RSRP1: variants seen among roughly 807,000 people sequenced by gnomAD.
The protein encoded by RSRP1 is arginine/serine-rich protein 1.
A neutral mutation model predicts 33.0 loss-of-function variants in RSRP1; 37 were observed. The observed-to-expected ratio is 1.12, with a 90% CI of 0.86 to 1.48. The LOEUF is 1.48. Ranked by LOEUF, RSRP1 falls within the 40% of genes most tolerant of loss-of-function variation. RSRP1 has a pLI of 0.00. For missense variants in RSRP1, 402 were observed against 385.3 expected (o/e 1.04, Z -0.36); for synonymous variants, 167 against 158.7 (o/e 1.05, Z -0.40).
intron 1 of RSRP1, among the ~76,000 whole-genome samples, chr1:25,315,641 C>T (rs113415136): frequency 0.023 from 2,942 of 126,320 alleles, 473 homozygotes; most frequent in African/African-American, 0.074. Context: ...GGACTACAGG[C>T]GCCTGCCACC....
rs527237138 is a variant in RSRP1, at chr1:25,315,308, T to C, written c.-67+22670A>G. On this transcript the variant is annotated intron_variant, in intron 1 of 1. Transcript: ENST00000561867. ...AGGTTTTGATAACCTGAACTGTGTT[T>C]GGAGCTGGGGAGGAAGCAAACTATT... Among the ~76,000 whole-genome samples, 12 of 129,150 alleles carry C rather than the reference T, an allele frequency of 9.3e-5. 1 individual carries two copies. In the East Asian group the frequency reaches 2.4e-3, roughly 25 times the overall value. The allele number at this position is 129,150 out of a possible 152,430, so 84.7% of individuals were successfully genotyped here. A position where few individuals can be genotyped will look rare whatever the true frequency, so the allele number is the denominator to read the frequency against.
At chr1:25,290,412 C>T (rs1181420044) in intron 1 of RSRP1, among the ~76,000 whole-genome samples, 2 of 126,224 alleles carry the variant, frequency 1.6e-5, no homozygotes, top group African/African-American at 5.4e-5. Context: ...AAGTCATCTG[C>T]CAGACCACAT....
intron 1 of RSRP1, among the ~76,000 whole-genome samples, chr1:25,296,109 C>T (rs543360702): frequency 8.7e-6 from 1 of 114,840 alleles, no homozygotes; most frequent in Non-Finnish European, 2.1e-5. Flanking sequence ...GTGATCCACC[C>T]GCCTTGGCCT....
chr1:25,250,749 G>A (rs534912603), upstream of RSRP1, among the ~76,000 whole-genome samples: 1 of 152,170 alleles, frequency 6.6e-6, no homozygotes, highest in African/African-American at 2.4e-5. Context: ...GGTGGCTCAC[G>A]CCTGTAATCC....
At chr1:25,317,894 A>G (rs542410341) in intron 1 of RSRP1, among the ~76,000 whole-genome samples, 9 of 116,292 alleles carry the variant, frequency 7.7e-5, no homozygotes, top group Admixed American at 5.1e-4. Context: ...AGTGAGGAGC[A>G]GGCCCTTATA....
At chr1:25,242,948 G>A (rs936904080) in intron 4 of RSRP1, among the ~76,000 whole-genome samples, 3 of 152,088 alleles carry the variant, frequency 2.0e-5, no homozygotes, top group Non-Finnish European at 2.9e-5. Context: ...AAATTAGCCG[G>A]GCGTGGTGGC....
Position 25,245,312 on chromosome 1 carries a change from AAG to A in RSRP1, c.521-13_521-12del, listed in dbSNP as rs565029376. The A allele has an allele frequency of 2.6e-4, 414 of 1,603,138 alleles. No individual in the cohort carries two copies. The highest frequency in any genetic ancestry group is 2.5e-3 in the South Asian group (219 of 89,186). ...ACAGCTCCATTCGATCTAAAAAAAA[AAG>A]AGAGAGATTTTAAAATACTCATTAA... is the stretch of plus-strand genomic sequence containing the variant. On this transcript the variant is annotated splice_polypyrimidine_tract_variant and intron_variant, in intron 2 of 4. Coordinates refer to ENST00000243189, the MANE Select transcript of RSRP1 (RefSeq NM_020317.5).
At chr1:25,248,727 G>T (rs1639667888), upstream of RSRP1, among the ~76,000 whole-genome samples, 1 of 152,162 alleles carries the variant, frequency 6.6e-6, no homozygotes, top group Admixed American at 6.5e-5. Flanking sequence ...CACATCTCCT[G>T]AGGATGCATC....
rs762550572 is a variant in RSRP1, at chr1:25,245,303, T to G, written c.521-2A>C. On this transcript the variant is annotated splice_acceptor_variant, in intron 2 of 4. Coordinates refer to ENST00000243189, the MANE Select transcript of RSRP1 (RefSeq NM_020317.5). LOFTEE classifies it high-confidence loss of function. ...CTATTTCTAACAGCTCCATTCGATC[T>G]AAAAAAAAAAGAGAGAGATTTTAAA... 26 of 1,394,628 alleles carry G rather than the reference T, an allele frequency of 1.9e-5. No individual in the cohort carries two copies. Among genetic ancestry groups the G allele is most frequent in the Non-Finnish European group, 2.2e-5 (23 of 1,028,466 alleles). 86.4% of individuals were successfully genotyped at this position (1,394,628 alleles called of 1,614,324 possible). A position where few individuals can be genotyped will look rare whatever the true frequency, so the allele number is the denominator to read the frequency against.
Position 25,299,360 on chromosome 1 carries a change from G to A in RSRP1, c.-67+38618C>T, listed in dbSNP as rs1291203449. On this transcript the variant is annotated intron_variant, in intron 1 of 1. Transcript: ENST00000561867. ...TGGCACCAGTGCACTCTAGCCTGGCGACAGAGTGAGACTCCGTCTCAAAAA... is the reference window on the plus strand; with the variant it reads ...TGGCACCAGTGCACTCTAGCCTGGCAACAGAGTGAGACTCCGTCTCAAAAA... Among the ~76,000 whole-genome samples, 8 of 130,802 alleles carry A rather than the reference G, an allele frequency of 6.1e-5. 1 individual carries two copies. Among genetic ancestry groups the A allele is most frequent in the Admixed American group, 2.2e-4 (3 of 13,444 alleles). 85.8% of individuals were successfully genotyped at this position (130,802 alleles called of 152,430 possible).
At chr1:25,296,206 A>G (rs1180944321) in intron 1 of RSRP1, among the ~76,000 whole-genome samples, 2 of 120,434 alleles carry the variant, frequency 1.7e-5, no homozygotes, top group Admixed American at 1.6e-4. Flanking sequence ...TCATCTGTGT[A>G]TGTGACTTTA....
chr1:25,243,415 A>G, intron 4 of RSRP1, 135 bp downstream of exon 4: 1 of 1,179,354 alleles, frequency 8.5e-7, no homozygotes. Flanking sequence ...AAGTGGCTCA[A>G]AAACAAATGA....
At chr1:25,302,601 G>A (rs150305875) in intron 1 of RSRP1, among the ~76,000 whole-genome samples, 5 of 129,820 alleles carry the variant, frequency 3.9e-5, no homozygotes, top group South Asian at 2.4e-4. Context: ...GCAAGGCTCC[G>A]GTTCTGGAGC....
rs1200703768 is a variant in RSRP1, at chr1:25,245,224, T to C, written c.598A>G (p.Ser200Gly). Residue 200 changes from serine (S) to glycine (G), a missense_variant, in exon 3 of 5, where the codon AGT becomes GGT. Physicochemically the swap from Ser to Gly is moderately conservative, Grantham distance 56 (BLOSUM62 0). Coordinates refer to ENST00000243189, the MANE Select transcript of RSRP1 (RefSeq NM_020317.5). The stretch of plus-strand genomic sequence containing the variant: ...TTGGCTGAAGGAACAGTTCTGAGAC[T>C]AGCTGGCAAGTCAATGTTGGTTGTT... ...LGTTNIDLPA[S>G]LRTVPSAKET... The C allele has an allele frequency of 1.9e-6, 3 of 1,614,140 alleles. No homozygotes were observed. Among genetic ancestry groups the C allele is most frequent in the Non-Finnish European group, 8.5e-7 (1 of 1,180,024 alleles).
chr1:25,321,890 T>A, intron 1 of RSRP1: 1 of 1,265,752 alleles, frequency 7.9e-7, no homozygotes, highest in Non-Finnish European at 1.1e-6. Context: ...TTTAAACAGG[T>A]TTGCTCCTAA....
At chr1:25,244,551 A>G in intron 3 of RSRP1, 1 of 1,288,658 alleles carries the variant, frequency 7.8e-7, no homozygotes, top group Non-Finnish European at 1.0e-6. Flanking sequence ...TGAGTACAGA[A>G]TTTGTGGGAA....
chr1:25,289,576 C>T (rs28417908), intron 1 of RSRP1, among the ~76,000 whole-genome samples: 5,651 of 128,086 alleles, frequency 0.044, 839 homozygotes, highest in African/African-American at 0.14. Flanking sequence ...ATTATCATCA[C>T]TGTTGCTGTG....
At position 25,270,619 on chromosome 1, in the gene RSRP1, C is replaced by G. The variant is rs1750381; in HGVS notation, c.-66-23590G>C. 8.0e-4 allele frequency among the ~76,000 whole-genome samples: 106 copies of G among 132,298 alleles called. 4 individuals carry two copies. Among genetic ancestry groups the G allele is most frequent in the African/African-American group, 2.6e-3 (102 of 38,788 alleles). 86.8% of individuals were successfully genotyped at this position (132,298 alleles called of 152,430 possible). A position where few individuals can be genotyped will look rare whatever the true frequency, so the allele number is the denominator to read the frequency against. On this transcript the variant is annotated intron_variant, in intron 1 of 1. Coordinates refer to the RSRP1 transcript ENST00000561867. ...AAAACCCGTCCCTGGTGCCAAAAAG[C>G]TTGGGGACCCCTGATCTAGGCTACA...
intron 1 of RSRP1, among the ~76,000 whole-genome samples, chr1:25,290,118 A>G (rs1159200703): frequency 7.8e-6 from 1 of 127,758 alleles, no homozygotes; most frequent in Admixed American, 7.6e-5. Context: ...CTGGGACTGG[A>G]AGCCGGGCTT....
Sources: gnomAD v4.1 joint callset for allele counts (sites outside exome capture counted in the v4.1 genomes callset) on GRCh38, gnomAD v4.1.1 for gene constraint, MANE v1.5 for transcripts, NCBI Gene and HGNC (gene_info 2026-07-23, HGNC 2026-07-21) for gene names.